Variants in THRAP3 observed in about 807,000 individuals in gnomAD.
THRAP3 encodes the protein thyroid hormone receptor-associated protein 3.
Under a neutral mutation model 101.0 loss-of-function variants are expected in THRAP3, and 16 were observed. The observed-to-expected ratio is 0.16, with a 90% CI of 0.11 to 0.24. The LOEUF is 0.24. Among genes scored for constraint, THRAP3 ranks in the 10% least tolerant of loss-of-function variants. The probability of loss-of-function intolerance (pLI) is 1.00; values close to 1 mark genes in which losing one functional copy is unlikely to be tolerated. For synonymous variants in THRAP3, 407 were observed against 422.6 expected (o/e 0.96, Z 0.45); for missense variants, 989 against 1,202.7 (o/e 0.82, Z 2.63).
chr1:36,219,032 C>CAA, the THRAP3 span, among the ~76,000 whole-genome samples: 195 of 62,986 alleles, frequency 3.1e-3, no homozygotes, highest in East Asian at 7.5e-3. Flanking sequence ...GGCTCCATCT[C>CAA]AAAAAAAAAA....
chr1:36,261,719 A>G (rs953875167), intron 2 of THRAP3, among the ~76,000 whole-genome samples: 2 of 152,172 alleles, frequency 1.3e-5, no homozygotes, highest in African/African-American at 4.8e-5. Flanking sequence ...AGTATTTTAA[A>G]TAATTTTAAG....
chr1:36,303,487 C>G (rs1389788884), intron 11 of THRAP3, among the ~76,000 whole-genome samples: 1 of 152,102 alleles, frequency 6.6e-6, no homozygotes, highest in Non-Finnish European at 1.5e-5. Flanking sequence ...TACTTCAGTG[C>G]TCAGTGACGT....
At chr1:36,220,972 A>AAATATATATAT (rs1285765741), upstream of THRAP3, among the ~76,000 whole-genome samples, 1 of 94,146 alleles carries the variant, frequency 1.1e-5, no homozygotes, top group African/African-American at 4.7e-5. Context: ...AAAAAAAAAA[A>AAATATATATAT]ATATATATAT....
At chr1:36,266,197 T>C (rs1645512621) in intron 2 of THRAP3, among the ~76,000 whole-genome samples, 1 of 149,778 alleles carries the variant, frequency 6.7e-6, no homozygotes, top group African/African-American at 2.4e-5. Flanking sequence ...GGCGTACCTG[T>C]AGTCCCAGCT....
At chr1:36,280,931 A>T (rs2062667) in intron 2 of THRAP3, among the ~76,000 whole-genome samples, 124,193 of 149,328 alleles carry the variant, frequency 0.83, 53,809 homozygotes, top group Non-Finnish European at 0.97. Context: ...ATTTTTATTT[A>T]TTTTTTTTTT....
intron 1 of THRAP3, among the ~76,000 whole-genome samples, chr1:36,258,759 G>A (rs531478579): frequency 2.6e-5 from 4 of 152,326 alleles, no homozygotes; most frequent in East Asian, 3.9e-4. Flanking sequence ...GATTATAGGC[G>A]TGAGCCACTG....
intron 1 of THRAP3, among the ~76,000 whole-genome samples, chr1:36,254,849 TG>T (rs1402859879): frequency 1.3e-5 from 2 of 152,186 alleles, no homozygotes; most frequent in East Asian, 3.8e-4. Context: ...AACCAGACAA[TG>T]GGCTAGATTT....
chr1:36,250,305 C>T (rs557013632), intron 1 of THRAP3, among the ~76,000 whole-genome samples: 1 of 151,778 alleles, frequency 6.6e-6, no homozygotes, highest in African/African-American at 2.4e-5. Context: ...CCTCCGCCTC[C>T]CGGGTTCAAG....
chr1:36,253,067 TAGC>T (rs1237398353), intron 1 of THRAP3, among the ~76,000 whole-genome samples: 3 of 151,144 alleles, frequency 2.0e-5, no homozygotes, highest in African/African-American at 7.3e-5. Context: ...GTTTCCAAGT[TAGC>T]AGTGCCTTTC....
At chr1:36,212,053 G>A in the THRAP3 span, among the ~76,000 whole-genome samples, 2,852 of 152,278 alleles carry the variant, frequency 0.019, 93 homozygotes, top group East Asian at 0.14. Context: ...AATGTCAGGC[G>A]TGGCTGAATC....
In THRAP3 at chr1:36,253,279, A is replaced by G. The variant is rs187134156; in HGVS notation, c.-134-6103A>G. On this transcript the variant is annotated intron_variant, in intron 1 of 11. Transcript: ENST00000354618. ...CTTGATATTTGTCTTTTAGCATACC[A>G]TAACATTGCAGATAAATCGCTTCCA... 2.1e-3 allele frequency among the ~76,000 whole-genome samples: 319 copies of G among 152,266 alleles called. 1 individual carries two copies. The highest frequency in any genetic ancestry group is 7.0e-3 in the African/African-American group (291 of 41,556).
intron 9 of THRAP3, among the ~76,000 whole-genome samples, chr1:36,297,588 A>G (rs1384166529): frequency 6.6e-6 from 1 of 151,252 alleles, no homozygotes; most frequent in Non-Finnish European, 1.5e-5. Context: ...AGCTGGGATT[A>G]CAGGTGCCCA....
At chr1:36,285,583 T>C (rs1051030417) in intron 3 of THRAP3, among the ~76,000 whole-genome samples, 1 of 152,100 alleles carries the variant, frequency 6.6e-6, no homozygotes, top group South Asian at 2.1e-4. Flanking sequence ...GTGGGGGTGT[T>C]TTTTAGTTAC....
At chr1:36,290,798 AC>A (rs1308133951) in intron 5 of THRAP3, among the ~76,000 whole-genome samples, 1 of 152,094 alleles carries the variant, frequency 6.6e-6, no homozygotes, top group Non-Finnish European at 1.5e-5. Context: ...CAATACATCT[AC>A]CCCTTGTCCC....
intron 3 of THRAP3, among the ~76,000 whole-genome samples, chr1:36,285,830 T>G (rs746054471): frequency 4.6e-5 from 7 of 152,250 alleles, no homozygotes; most frequent in Non-Finnish European, 8.8e-5. Flanking sequence ...AACTATACTT[T>G]TAACGATCCC....
chr1:36,257,309 A>G (rs1645388551), intron 1 of THRAP3, among the ~76,000 whole-genome samples: 1 of 152,216 alleles, frequency 6.6e-6, no homozygotes, highest in Non-Finnish European at 1.5e-5. Flanking sequence ...TCTGCTCACT[A>G]GAATGTCAGT....
the THRAP3 span, among the ~76,000 whole-genome samples, chr1:36,212,852 C>G: frequency 1.3e-5 from 2 of 152,154 alleles, no homozygotes; most frequent in African/African-American, 2.4e-5. Flanking sequence ...GAAATTACAA[C>G]AATGCAAGGC....
chr1:36,286,751 G>T lies in THRAP3; in HGVS notation c.521G>T (p.Arg174Leu). ...SNHSRVESSK[R>L]KSAKEKKSSS... ...CATAGCCGAGTTGAATCTTCTAAGC[G>T]CAAGTCTGCAAAGGAGAAAAAGTCC... Residue 174 changes from arginine (R) to leucine (L), a missense_variant, in exon 4 of 12, where the codon CGC becomes CTC. By Grantham distance (102) the Arg-to-Leu change is moderately radical. Transcript: ENST00000354618. The surrounding 1 kb of genome is among the most constrained non-coding windows in gnomAD (Gnocchi z 5.5). 6.2e-7 allele frequency: 1 copy of T among 1,614,162 alleles called. No homozygotes were observed.
the THRAP3 span, among the ~76,000 whole-genome samples, chr1:36,210,869 CTG>C: frequency 6.8e-6 from 1 of 147,440 alleles, no homozygotes; most frequent in Non-Finnish European, 1.5e-5. Flanking sequence ...CATCCAGAGA[CTG>C]TGATTTGCTT....
Sources: gnomAD v4.1 joint callset for allele counts (sites outside exome capture counted in the v4.1 genomes callset) on GRCh38, gnomAD v4.1.1 for gene constraint, Gnocchi (gnomAD v3.1) non-coding constraint, MANE v1.5 for transcripts, NCBI Gene and HGNC (gene_info 2026-07-23, HGNC 2026-07-21) for gene names.